Variants in CACNA1H observed in about 807,000 individuals in gnomAD.
The protein encoded by CACNA1H is calcium voltage-gated channel subunit alpha1 H.
CACNA1H carries 149 observed loss-of-function variants against 192.5 expected under a neutral mutation model. The ratio of observed to expected loss-of-function variants is 0.77; its 90% CI spans 0.68 to 0.89. CACNA1H has a LOEUF of 0.89. Among genes scored for constraint, CACNA1H ranks in the 40% least tolerant of loss-of-function variants. CACNA1H has a pLI of 0.00. For missense variants in CACNA1H, 4,257 were observed against 3,423.5 expected, an observed-to-expected ratio of 1.24 and a Z score of -6.08; for synonymous variants, 2,202 against 1,475.2, an observed-to-expected ratio of 1.49 and a Z score of -11.29.
At chr16:1,154,425 C>T (rs1248024102) in intron 2 of CACNA1H, among the ~76,000 whole-genome samples, 6 of 152,128 alleles carry the variant, frequency 3.9e-5, no homozygotes, top group South Asian at 2.1e-4. Context: ...TCTGAAGGTC[C>T]TGCCCGAGGC....
At chr16:1,209,437 C>A in intron 17 of CACNA1H, 25 bp downstream of exon 17, 8 of 1,589,542 alleles carry the variant, frequency 5.0e-6, no homozygotes, top group African/African-American at 1.3e-5. Flanking sequence ...CTGGGCCCAC[C>A]GCCGACTCGC....
At position 1,210,513 on chromosome 16, in the gene CACNA1H, C is replaced by T. The variant is rs201422742; in HGVS notation, c.3969+20C>T. ...AGCACCGTGAGTCAGCCAACCCCAT[C>T]GTCCCGGGCCACCACGACCCCCAGG... On this transcript the variant is annotated intron_variant, in intron 19 of 34. Coordinates refer to ENST00000348261, the MANE Select transcript of CACNA1H (RefSeq NM_021098.3). The T allele has an allele frequency of 7.9e-5, 128 of 1,611,112 alleles. No individual in the cohort carries two copies. In the African/African-American group the frequency reaches 1.5e-3, roughly 19 times the overall value.
chr16:1,202,055 C>G lies in CACNA1H; in HGVS notation c.1605C>G (p.Ser535Arg). ...HHHHYHFSHG[S>R]PRRPGPEPGA... ...ACCACTACCATTTCAGCCATGGCAGCCCCCGCAGGCCCGGCCCCGAGCCAG... is the reference window on the plus strand; with the variant it reads ...ACCACTACCATTTCAGCCATGGCAGGCCCCGCAGGCCCGGCCCCGAGCCAG... Residue 535 changes from serine to arginine, a missense_variant, in exon 9 of 35, where the codon AGC becomes AGG. By Grantham distance (110) the Ser-to-Arg change is moderately radical (BLOSUM62 -1). Coordinates refer to ENST00000348261, the MANE Select transcript of CACNA1H (RefSeq NM_021098.3). The G allele has an allele frequency of 2.0e-6, 3 of 1,538,064 alleles. No homozygotes were observed. The highest frequency in any genetic ancestry group is 2.6e-6 in the Non-Finnish European group (3 of 1,144,156).
rs1216738284 is a variant in CACNA1H at position 1,198,690 on chromosome 16, T to C, written c.719T>C (p.Val240Ala). ...LGNVLLLCFF[V>A]FFIFGIVGVQ... is the part of the protein sequence containing the mutation. Reference sequence around the variant, plus strand: ...AACGTCCTTCTGCTGTGCTTCTTCGTCTTCTTCATTTTCGGCATCGTTGGC... The same window carrying C: ...AACGTCCTTCTGCTGTGCTTCTTCGCCTTCTTCATTTTCGGCATCGTTGGC... Residue 240 changes from valine to alanine, a missense_variant, in exon 6 of 35, where the codon GTC (valine) becomes GCC (alanine). Coordinates refer to ENST00000348261, the MANE Select transcript of CACNA1H (RefSeq NM_021098.3). 6.2e-7 allele frequency: 1 copy of C among 1,613,506 alleles called. No individual in the cohort carries two copies. The highest frequency in any genetic ancestry group is 8.5e-7 in the Non-Finnish European group (1 of 1,179,644).
chr16:1,208,152 C>A lies in CACNA1H; in HGVS notation c.3294C>A (p.Pro1098=). The A allele has an allele frequency of 6.3e-7, 1 of 1,579,406 alleles. No homozygotes were observed. Among genetic ancestry groups the A allele is most frequent in the East Asian group, 2.4e-5 (1 of 42,516 alleles). ...GCTCACCATTCCTGGATGCAGCCCC[C>A]AGCCTCCCAGACTCTCGGCGTGGCA... is the stretch of plus-strand genomic sequence containing the variant. ...PKSSPFLDAA[P]SLPDSRRGSS... The change falls in exon 16 of 35, where the codon CCC becomes CCA. Residue 1098 remains proline (P), a synonymous_variant. Transcript: ENST00000348261.
Position 1,207,863 on chromosome 16 carries a change from G to A in CACNA1H, c.3154+3G>A, listed in dbSNP as rs374267602. 89 of 1,582,458 alleles carry A rather than the reference G, an allele frequency of 5.6e-5. No individual in the cohort carries two copies. The highest frequency in any genetic ancestry group is 7.4e-5 in the Non-Finnish European group (86 of 1,164,148). On this transcript the variant is annotated splice_donor_region_variant and intron_variant, in intron 15 of 34. Transcript: ENST00000348261. ...GCTCAGAGAACTCCAGACCACAGGT[G>A]CGTGTGGTCGGTGGGTGGTCCGGGT...
chr16:1,198,911 C>T (rs1967339836), intron 6 of CACNA1H, 137 bp downstream of exon 6: 10 of 784,506 alleles, frequency 1.3e-5, no homozygotes, highest in Non-Finnish European at 2.0e-5. Context: ...CTGTCCCCGT[C>T]ATGGCTCCGT....
At position 1,180,967 on chromosome 16, in the gene CACNA1H, G is replaced by A. The variant is rs998326460; in HGVS notation, c.300-14005G>A. ...GCGGGACTGCTTCCGCCAGCTTCCC[G>A]GCCAGACCCAAGGGTGGAGCTCCAG... On this transcript the variant is annotated intron_variant, in intron 2 of 34. Transcript: ENST00000348261. The surrounding 1 kb of genome is among the most constrained non-coding windows in gnomAD (Gnocchi z 4.4). Among the ~76,000 whole-genome samples, 2 of 152,186 alleles carry A rather than the reference G, an allele frequency of 1.3e-5. No individual in the cohort carries two copies. Among genetic ancestry groups the A allele is most frequent in the African/African-American group, 4.8e-5 (2 of 41,448 alleles).
intron 33 of CACNA1H, 121 bp from the exon 34 acceptor site, chr16:1,218,849 G>C: frequency 8.3e-7 from 1 of 1,201,512 alleles, no homozygotes; most frequent in Non-Finnish European, 1.2e-6. Flanking sequence ...GAGAGAGGAC[G>C]GGTCGGGCTG....
Position 1,167,355 on chromosome 16 carries a change from CGGGGTGGCGCCCGGGCCGCGGGT to C in CACNA1H, c.299+13323_299+13345del, listed in dbSNP as rs962684188. Among the ~76,000 whole-genome samples the C allele has an allele frequency of 1.2e-4, 18 of 152,052 alleles. No individual in the cohort carries two copies. The highest frequency in any genetic ancestry group is 3.9e-4 in the African/African-American group (16 of 41,366). Reference sequence around the variant, plus strand: ...GGGGGCGATATCGGCGCGGAGCGGGCGGGGTGGCGCCCGGGCCGCGGGTGGGAGAATCTGGCGTGTGTGTTTGC... The same window carrying C: ...GGGGGCGATATCGGCGCGGAGCGGGCGGGAGAATCTGGCGTGTGTGTTTGC... On this transcript the variant is annotated intron_variant, in intron 2 of 34. Coordinates refer to ENST00000348261, the MANE Select transcript of CACNA1H (RefSeq NM_021098.3). The surrounding 1 kb of genome is among the most constrained non-coding windows in gnomAD (Gnocchi z 4.2).
At chr16:1,154,826 A>T (rs908537426) in intron 2 of CACNA1H, among the ~76,000 whole-genome samples, 1 of 152,140 alleles carries the variant, frequency 6.6e-6, no homozygotes, top group Non-Finnish European at 1.5e-5. Flanking sequence ...TGTGGGATGT[A>T]CACGGAGGTC....
In CACNA1H at chr16:1,213,855, A is replaced by G; in HGVS notation, c.4853A>G (p.Tyr1618Cys). Residue 1618 changes from tyrosine (Y) to cysteine (C), a missense_variant, in exon 27 of 35, where the codon TAT (tyrosine) becomes TGT (cysteine). Physicochemically the swap from Tyr to Cys is radical, Grantham distance 194. Transcript: ENST00000348261. ...ATTCACTCGCTGTGCACCAGCCACT[A>G]TCTCGACCTCTTCATCACCTTCATC... ...RSIHSLCTSH[Y>C]LDLFITFIIC... 4 of 1,609,086 alleles carry G rather than the reference A, an allele frequency of 2.5e-6. No individual in the cohort carries two copies. Among genetic ancestry groups the G allele is most frequent in the South Asian group, 1.1e-5 (1 of 90,024 alleles).
At position 1,202,229 on chromosome 16, in the gene CACNA1H, TGCC is replaced by T. The variant is rs766418509; in HGVS notation, c.1782_1784del (p.Ala596del). 9 of 1,556,218 alleles carry T rather than the reference TGCC, an allele frequency of 5.8e-6. 1 individual carries two copies. Among genetic ancestry groups the T allele is most frequent in the Middle Eastern group, 1.7e-4 (1 of 6,012 alleles). ...CGCAGGAGAGGGCCCGGGTGGCACATGCCGCAGCCACTGCCGCTGCCAGCCTCA... is the reference window on the plus strand; with the variant it reads ...CGCAGGAGAGGGCCCGGGTGGCACATGCAGCCACTGCCGCTGCCAGCCTCA... On this transcript the variant is annotated inframe_deletion, in exon 9 of 35. Transcript: ENST00000348261.
intron 6 of CACNA1H, among the ~76,000 whole-genome samples, chr16:1,199,514 C>T (rs1239059041): frequency 4.7e-5 from 7 of 149,194 alleles, no homozygotes; most frequent in South Asian, 2.1e-4. Flanking sequence ...TGTCCCACCC[C>T]CAGTGCTGCC....
chr16:1,169,179 T>C (rs867368978), intron 2 of CACNA1H, among the ~76,000 whole-genome samples: 1 of 8,808 alleles, frequency 1.1e-4, no homozygotes, highest in African/African-American at 4.6e-4. Flanking sequence ...GGGGTGGGGG[T>C]GGGGGTGGGG....
chr16:1,181,787 G>A (rs1965493768), intron 2 of CACNA1H, among the ~76,000 whole-genome samples: 1 of 152,086 alleles, frequency 6.6e-6, no homozygotes, highest in Non-Finnish European at 1.5e-5. Context: ...CCTGAAGAGG[G>A]CTGTGTGTGA....
At chr16:1,156,877 C>A (rs1962482292) in intron 2 of CACNA1H, 2 of 152,230 alleles carry the variant, frequency 1.3e-5, no homozygotes, top group Admixed American at 6.5e-5. Flanking sequence ...CGTGCTGGCT[C>A]CATCTCCAGG....
chr16:1,219,883 C>T (rs2141405122), intron 34 of CACNA1H, 98 bp from the exon 35 acceptor site: 4 of 982,846 alleles, frequency 4.1e-6, no homozygotes, highest in Admixed American at 4.2e-5. Context: ...CCCAGTTTGG[C>T]CTCTCCAGTA....
At chr16:1,192,437 C>T (rs749528297) in intron 2 of CACNA1H, among the ~76,000 whole-genome samples, 4 of 152,264 alleles carry the variant, frequency 2.6e-5, no homozygotes, top group African/African-American at 7.2e-5. Context: ...GCTGGCTGGA[C>T]AGTCTTAGAG....
Sources: gnomAD v4.1 joint callset for allele counts (sites outside exome capture counted in the v4.1 genomes callset) on GRCh38, gnomAD v4.1.1 for gene constraint, Gnocchi (gnomAD v3.1) non-coding constraint, MANE v1.5 for transcripts, NCBI Gene and HGNC (gene_info 2026-07-23, HGNC 2026-07-21) for gene names.